The following CASP8 variants were observed in gnomAD, a reference collection of about 807,000 sequenced individuals.
CASP8 encodes the protein caspase-8.
CASP8 carries 24 observed loss-of-function variants against 46.3 expected under a neutral mutation model. The observed-to-expected ratio is 0.52, with a 90% CI of 0.38 to 0.73. The LOEUF is 0.73. Ranked by LOEUF, CASP8 falls within the 30% of genes least tolerant of loss-of-function variation. CASP8 has a pLI of 0.00. For missense variants in CASP8, 460 were observed against 559.0 expected (o/e 0.82, Z 1.79); for synonymous variants, 188 against 200.4 (o/e 0.94, Z 0.52).
chr2:201,243,979 T>A (rs1323960684), intron 2 of CASP8, among the ~76,000 whole-genome samples: 1 of 152,194 alleles, frequency 6.6e-6, no homozygotes, highest in Non-Finnish European at 1.5e-5. Flanking sequence ...GCCTGACAGA[T>A]TACACATAGG....
At chr2:201,258,402 G>A (rs370693103), upstream of CASP8, 6 of 1,613,850 alleles carry the variant, frequency 3.7e-6, no homozygotes, top group Non-Finnish European at 5.1e-6. Context: ...TGTTGCCAAG[G>A]TGGCCTCTTC....
chr2:201,238,271 T>TG (rs1415023799), intron 2 of CASP8, among the ~76,000 whole-genome samples: 1 of 152,110 alleles, frequency 6.6e-6, no homozygotes, highest in South Asian at 2.1e-4. Context: ...GTGGAGCAAG[T>TG]GGGGAACTTG....
intron 2 of CASP8, chr2:201,269,447 G>A: frequency 8.9e-7 from 1 of 1,128,434 alleles, no homozygotes; most frequent in Non-Finnish European, 1.3e-6. Context: ...AAAACCCACA[G>A]CCCCAGAACA....
At chr2:201,284,714 G>GGGGGGAGGGAGA (rs1949463327) in intron 7 of CASP8, 102 bp from the exon 8 acceptor site, 1 of 54,160 alleles carries the variant, frequency 1.8e-5, no homozygotes, top group African/African-American at 1.9e-4. Context: ...GAGAGGGAGA[G>GGGGGGAGGGAGA]GGGTCAAATT....
At chr2:201,273,472 T>C (rs2125271354) in intron 5 of CASP8, among the ~76,000 whole-genome samples, 1 of 152,304 alleles carries the variant, frequency 6.6e-6, no homozygotes, top group South Asian at 2.1e-4. Flanking sequence ...TTTTTTCTCC[T>C]TGACGTGCTG....
chr2:201,264,108 C>A (rs947371439), intron 1 of CASP8, among the ~76,000 whole-genome samples: 21 of 152,120 alleles, frequency 1.4e-4, no homozygotes, highest in Non-Finnish European at 2.9e-4. Context: ...ATCACGCAGG[C>A]TCAACCACAT....
chr2:201,243,968 G>A (rs1946406385), intron 2 of CASP8, among the ~76,000 whole-genome samples: 1 of 152,166 alleles, frequency 6.6e-6, no homozygotes, highest in African/African-American at 2.4e-5. Flanking sequence ...CTAATGGCTG[G>A]GCCTGACAGA....
chr2:201,280,059 T>C (rs1295080678), intron 7 of CASP8, among the ~76,000 whole-genome samples: 2 of 152,166 alleles, frequency 1.3e-5, no homozygotes, highest in African/African-American at 4.8e-5. Context: ...AAAAGCAACC[T>C]TTTTTAATGC....
intron 2 of CASP8, among the ~76,000 whole-genome samples, chr2:201,236,847 C>T (rs1946069193): frequency 6.6e-6 from 1 of 152,220 alleles, no homozygotes; most frequent in African/African-American, 2.4e-5. Context: ...CTCAAGCTAT[C>T]CATCTGCCTC....
intron 2 of CASP8, among the ~76,000 whole-genome samples, chr2:201,270,477 C>T (rs1336314389): frequency 2.0e-5 from 3 of 152,186 alleles, no homozygotes; most frequent in African/African-American, 7.2e-5. Flanking sequence ...AATCATTGCA[C>T]CTCACAACCC....
chr2:201,269,579 G>T lies in CASP8; in HGVS notation c.306-1937G>T, dbSNP rs749516269. 1.9e-6 allele frequency: 3 copies of T among 1,613,196 alleles called. No homozygotes were observed. The African/African-American group carries it at 4.0e-5, about 22-fold the overall frequency. On this transcript the variant is annotated intron_variant, in intron 2 of 8. Coordinates refer to ENST00000673742, the MANE Select transcript of CASP8 (RefSeq NM_001372051.1). ...GCCAGACACAGTCTGTACCTTTCTG[G>T]CGGAGGGTCGATCATCTATTAATAA...
chr2:201,284,436 G>GTA (rs1453112380), intron 7 of CASP8, among the ~76,000 whole-genome samples: 413 of 69,074 alleles, frequency 6.0e-3, no homozygotes, highest in Middle Eastern at 0.03. Context: ...CACCTCGGGA[G>GTA]GCCGAGGCTG....
intron 2 of CASP8, among the ~76,000 whole-genome samples, chr2:201,245,943 C>A (rs1576213734): frequency 6.7e-6 from 1 of 149,256 alleles, no homozygotes; most frequent in East Asian, 1.9e-4. Flanking sequence ...TCTCGGCTCA[C>A]CGCAACCTCT....
At chr2:201,241,688 CAA>C (rs1296819485) in intron 2 of CASP8, 1 of 152,168 alleles carries the variant, frequency 6.6e-6, no homozygotes, top group African/African-American at 2.4e-5. Flanking sequence ...GGCACACTTC[CAA>C]ATTTATTTTA....
upstream of CASP8, chr2:201,258,385 G>A (rs202238412): frequency 1.2e-3 from 1,922 of 1,614,068 alleles, 2 homozygotes; most frequent in Non-Finnish European, 1.4e-3. Context: ...TGGAGCGGGT[G>A]AGTGCCTGTT....
intron 1 of CASP8, among the ~76,000 whole-genome samples, chr2:201,264,858 A>G (rs965176246): frequency 6.6e-6 from 1 of 152,068 alleles, no homozygotes; most frequent in Non-Finnish European, 1.5e-5. Context: ...TAAAAAATAA[A>G]CCAGCAAAAG....
At chr2:201,258,347 CG>C (rs1432940998), upstream of CASP8, 15 of 1,613,846 alleles carry the variant, frequency 9.3e-6, no homozygotes, top group Non-Finnish European at 1.3e-5. Flanking sequence ...TTAGGGGACT[CG>C]GAGACTGCGA....
chr2:201,265,585 A>C (rs2349070), intron 1 of CASP8, among the ~76,000 whole-genome samples: 110,554 of 151,786 alleles, frequency 0.73, 40,609 homozygotes, highest in South Asian at 0.83. Context: ...TGTTAATTCC[A>C]AGTTGGATAA....
At chr2:201,256,818 C>T (rs1947038956), upstream of CASP8, among the ~76,000 whole-genome samples, 1 of 152,130 alleles carries the variant, frequency 6.6e-6, no homozygotes, top group Non-Finnish European at 1.5e-5. Flanking sequence ...ATAAAATGTA[C>T]AAGATGTGAA....
Sources: allele counts gnomAD v4.1 joint callset (sites outside exome capture counted in the v4.1 genomes callset), GRCh38; gene constraint gnomAD v4.1.1; transcripts MANE v1.5; gene names NCBI Gene and HGNC (gene_info 2026-07-23, HGNC 2026-07-21).